The following NUP62CL variants were observed in gnomAD, a reference collection of about 807,000 sequenced individuals.
NUP62CL encodes nucleoporin-62 C-terminal-like protein.
NUP62CL carries 13 observed loss-of-function variants against 15.3 expected under a neutral mutation model. That is an observed-to-expected ratio of 0.85 (90% CI 0.55 to 1.35). The LOEUF (loss-of-function observed/expected upper bound fraction) is 1.35, where lower values mean the gene tolerates loss of function less well. NUP62CL is among the 40% of genes most tolerant of loss of function. The pLI is 0.00. For missense variants in NUP62CL, 123 were observed against 130.6 expected, an observed-to-expected ratio of 0.94 and a Z score of 0.28; for synonymous variants, 54 against 49.2, an observed-to-expected ratio of 1.10 and a Z score of -0.41.
At chrX:107,129,718 A>AT (rs1374787039) in intron 8 of NUP62CL, among the ~76,000 whole-genome samples, 4 of 112,341 alleles carry the variant, frequency 3.6e-5, no homozygotes, top group Non-Finnish European at 5.6e-5. Context: ...TCATTCTTGA[A>AT]TATAAATGGA....
chrX:107,164,569 G>A (rs952874513), intron 4 of NUP62CL, among the ~76,000 whole-genome samples: 1 of 111,316 alleles, frequency 9.0e-6, no homozygotes, highest in Non-Finnish European at 1.9e-5. Flanking sequence ...TTTGGGAAGC[G>A]ATCGATAAAA....
At chrX:107,132,464 A>T (rs1315799627) in intron 8 of NUP62CL, among the ~76,000 whole-genome samples, 1 of 112,404 alleles carries the variant, frequency 8.9e-6, no homozygotes, top group Non-Finnish European at 1.9e-5. Context: ...TTGGATTTTT[A>T]AAATACAGTT....
intron 8 of NUP62CL, among the ~76,000 whole-genome samples, chrX:107,128,751 G>A (rs1038604318): frequency 9.0e-6 from 1 of 111,511 alleles, no homozygotes; most frequent in Non-Finnish European, 1.9e-5. Flanking sequence ...CTGAACGTCC[G>A]AAAATATAGA....
intron 4 of NUP62CL, among the ~76,000 whole-genome samples, chrX:107,165,883 A>T (rs1318686812): frequency 1.8e-5 from 2 of 112,071 alleles, no homozygotes; most frequent in Non-Finnish European, 3.8e-5. Flanking sequence ...CCTAAACCTC[A>T]CACCTTATAT....
At chrX:107,179,149 T>C (rs1926855131) in intron 2 of NUP62CL, among the ~76,000 whole-genome samples, 1 of 111,249 alleles carries the variant, frequency 9.0e-6, no homozygotes, top group South Asian at 3.8e-4. Context: ...GGCATTTATA[T>C]TTACAATTCA....
intron 2 of NUP62CL, among the ~76,000 whole-genome samples, chrX:107,176,196 T>TA (rs1296514471): frequency 9.0e-6 from 1 of 111,279 alleles, no homozygotes; most frequent in Non-Finnish European, 1.9e-5. Context: ...AACATTACTA[T>TA]AAAAAATGGA....
intron 4 of NUP62CL, among the ~76,000 whole-genome samples, chrX:107,165,495 G>T (rs1247166315): frequency 9.0e-6 from 1 of 110,511 alleles, no homozygotes; most frequent in Admixed American, 9.7e-5. Flanking sequence ...ATGTTACCCT[G>T]ATATCAAAAC....
At chrX:107,150,907 G>T (rs756356259) in intron 7 of NUP62CL, 4 of 342,637 alleles carry the variant, frequency 1.2e-5, no homozygotes, top group Non-Finnish European at 2.3e-5. Flanking sequence ...GATTAACAAC[G>T]TCCTTGAGAT....
In NUP62CL at chrX:107,183,132, G is replaced by T. The variant is rs1385962943; in HGVS notation, c.-47-7939C>A. Among the ~76,000 whole-genome samples, 4 of 111,976 alleles carry T rather than the reference G, an allele frequency of 3.6e-5. No individual in the cohort carries two copies. The East Asian group carries it at 1.1e-3, about 32-fold the overall frequency. ...CACTTGAGCCCAGGAGTTTGAGGCT[G>T]CAGTAAGCTGTGATTGTGCCACTGT... is the stretch of plus-strand genomic sequence containing the variant. On this transcript the variant is annotated intron_variant, in intron 2 of 8. Transcript: ENST00000372466.
At chrX:107,160,381 T>C (rs1274965885) in intron 4 of NUP62CL, among the ~76,000 whole-genome samples, 2 of 106,071 alleles carry the variant, frequency 1.9e-5, no homozygotes, top group Admixed American at 1.0e-4. Flanking sequence ...CTTCAAACTA[T>C]ACTACAAGGC....
At chrX:107,131,046 G>A (rs1313993737) in intron 8 of NUP62CL, among the ~76,000 whole-genome samples, 1 of 111,430 alleles carries the variant, frequency 9.0e-6, no homozygotes, top group Non-Finnish European at 1.9e-5. Context: ...ACTACATGAT[G>A]TTTAAAAATA....
intron 2 of NUP62CL, among the ~76,000 whole-genome samples, chrX:107,186,034 A>T (rs1429717698): frequency 8.9e-6 from 1 of 111,911 alleles, no homozygotes; most frequent in African/African-American, 3.2e-5. Context: ...CTTAGTAATC[A>T]TATGTGTATG....
intron 7 of NUP62CL, among the ~76,000 whole-genome samples, chrX:107,149,646 G>T (rs1361068560): frequency 8.9e-6 from 1 of 112,232 alleles, no homozygotes; most frequent in Non-Finnish European, 1.9e-5. Flanking sequence ...AAATGGTAAT[G>T]TGTATGTAGA....
intron 2 of NUP62CL, among the ~76,000 whole-genome samples, chrX:107,187,014 C>T (rs997737103): frequency 2.1e-4 from 24 of 112,273 alleles, no homozygotes; most frequent in African/African-American, 7.8e-4. Context: ...ATACAGAGTG[C>T]ATTCTCCAAC....
At chrX:107,143,359 C>T (rs777652065) in intron 8 of NUP62CL, among the ~76,000 whole-genome samples, 47 of 110,446 alleles carry the variant, frequency 4.3e-4, no homozygotes, top group Admixed American at 1.5e-3. Flanking sequence ...TAGCTGGAAC[C>T]ACAGGTGTGT....
chrX:107,154,899 C>A (rs190336314), intron 4 of NUP62CL, among the ~76,000 whole-genome samples: 102 of 111,639 alleles, frequency 9.1e-4, no homozygotes, highest in African/African-American at 3.2e-3. Context: ...GATCCAATGA[C>A]AAGTTGAACC....
At chrX:107,143,494 T>A (rs1285586) in intron 8 of NUP62CL, among the ~76,000 whole-genome samples, 1 of 109,994 alleles carries the variant, frequency 9.1e-6, no homozygotes, top group East Asian at 2.9e-4. Context: ...GGATTGCAGG[T>A]ATGAGAGACA....
At chrX:107,152,075 T>TATATATATA (rs1240423833) in intron 7 of NUP62CL, among the ~76,000 whole-genome samples, 1 of 54,470 alleles carries the variant, frequency 1.8e-5, no homozygotes, top group African/African-American at 1.2e-4. Flanking sequence ...TATATATATA[T>TATATATATA]TCAGATATAT....
intron 8 of NUP62CL, among the ~76,000 whole-genome samples, chrX:107,143,310 G>A (rs925072239): frequency 9.0e-6 from 1 of 111,141 alleles, no homozygotes; most frequent in Non-Finnish European, 1.9e-5. Context: ...CTGAAGCCTC[G>A]AACTCCCAAG....
Sources: allele counts gnomAD v4.1 joint callset (sites outside exome capture counted in the v4.1 genomes callset), GRCh38; gene constraint gnomAD v4.1.1; transcripts MANE v1.5; gene names NCBI Gene and HGNC (gene_info 2026-07-23, HGNC 2026-07-21).